PALM2AKAP2: variants seen among roughly 807,000 people sequenced by gnomAD.
PALM2AKAP2 encodes the protein PALM2 and AKAP2 fusion.
PALM2AKAP2 carries 37 observed loss-of-function variants against 71.5 expected under a neutral mutation model. That is an observed-to-expected ratio of 0.52 (90% confidence interval 0.40 to 0.68). The LOEUF is 0.68. Ranked by LOEUF, PALM2AKAP2 falls within the 30% of genes least tolerant of loss-of-function variation. The probability of loss-of-function intolerance (pLI) is 0.00; values close to 1 mark genes in which losing one functional copy is unlikely to be tolerated. For synonymous variants in PALM2AKAP2, 468 were observed against 478.8 expected, an observed-to-expected ratio of 0.98 and a Z score of 0.29; for missense variants, 1,224 against 1,191.8, an observed-to-expected ratio of 1.03 and a Z score of -0.40.
chr9:109,872,357 A>G (rs911129922), intron 2 of PALM2AKAP2, among the ~76,000 whole-genome samples: 1 of 152,088 alleles, frequency 6.6e-6, no homozygotes, highest in African/African-American at 2.4e-5. Context: ...CCTTGGTTGA[A>G]TTGCCAGAGA....
At chr9:109,905,770 AG>A (rs1442145135) in intron 3 of PALM2AKAP2, among the ~76,000 whole-genome samples, 1 of 152,162 alleles carries the variant, frequency 6.6e-6, no homozygotes, top group Non-Finnish European at 1.5e-5. Context: ...ATCTTAAATT[AG>A]GGCCTCAAGC....
chr9:109,913,225 A>G (rs767407448), intron 3 of PALM2AKAP2, among the ~76,000 whole-genome samples: 1 of 152,178 alleles, frequency 6.6e-6, no homozygotes, highest in Non-Finnish European at 1.5e-5. Flanking sequence ...GGTGAGCTCT[A>G]TGTTGTTAAG....
intron 6 of PALM2AKAP2, among the ~76,000 whole-genome samples, chr9:109,940,005 A>G (rs1241562413): frequency 6.6e-6 from 1 of 152,260 alleles, no homozygotes; most frequent in Non-Finnish European, 1.5e-5. Flanking sequence ...TATTTTTTCA[A>G]ACAAGTTCAA....
chr9:110,136,340 A>G (rs1299668171), exon 2 of PALM2AKAP2: 1 of 1,614,134 alleles, frequency 6.2e-7, no homozygotes, highest in Non-Finnish European at 8.5e-7. Context: ...ACCCCCGCAT[A>G]ATGGCCTCCT....
At chr9:109,683,805 A>C (rs987868952) in intron 1 of PALM2AKAP2, among the ~76,000 whole-genome samples, 2 of 152,106 alleles carry the variant, frequency 1.3e-5, no homozygotes, top group African/African-American at 4.8e-5. Context: ...CAGGTTTTTC[A>C]ACTATAAAAT....
Position 109,923,002 on chromosome 9 carries a change from C to T in PALM2AKAP2, c.258-733C>T, listed in dbSNP as rs149439813. The stretch of plus-strand genomic sequence containing the variant: ...CAGTTCCTGGCACAGAATAAGTGCT[C>T]AGTAAATACTGGTGGTAATTATTAT... On this transcript the variant is annotated intron_variant, in intron 3 of 9. Coordinates refer to the PALM2AKAP2 transcript ENST00000302798. Among the ~76,000 whole-genome samples the T allele has an allele frequency of 7.2e-3, 1,104 of 152,284 alleles. 12 individuals are homozygous for T. Among genetic ancestry groups the T allele is most frequent in the African/African-American group, 0.025 (1,025 of 41,550 alleles).
chr9:109,881,514 C>T (rs1564193732), intron 3 of PALM2AKAP2, among the ~76,000 whole-genome samples: 1 of 152,110 alleles, frequency 6.6e-6, no homozygotes, highest in African/African-American at 2.4e-5. Flanking sequence ...AGTGAGAGCA[C>T]CTCTGTAGGT....
intron 1 of PALM2AKAP2, among the ~76,000 whole-genome samples, chr9:109,837,211 G>A (rs1253906090): frequency 6.6e-6 from 1 of 152,224 alleles, no homozygotes; most frequent in African/African-American, 2.4e-5. Context: ...AGAAGAGAGT[G>A]GGGGCCAATA....
At chr9:110,054,849 C>T (rs749182997) in intron 1 of PALM2AKAP2, among the ~76,000 whole-genome samples, 1 of 152,226 alleles carries the variant, frequency 6.6e-6, no homozygotes, top group Non-Finnish European at 1.5e-5. Context: ...TCCACAATTA[C>T]ATTCCCAAAG....
intron 1 of PALM2AKAP2, among the ~76,000 whole-genome samples, chr9:109,686,852 G>A (rs552038832): frequency 8.3e-4 from 95 of 114,466 alleles, no homozygotes; most frequent in Non-Finnish European, 1.2e-3. Flanking sequence ...AACAGGCCCC[G>A]GTGTGTGATG....
upstream of PALM2AKAP2, among the ~76,000 whole-genome samples, chr9:109,776,355 T>G (rs1379552332): frequency 6.6e-6 from 1 of 152,206 alleles, no homozygotes; most frequent in African/African-American, 2.4e-5. Flanking sequence ...CACCTAGGGT[T>G]CTTGGTCCCA....
At chr9:109,830,669 C>T (rs1265103700) in intron 1 of PALM2AKAP2, among the ~76,000 whole-genome samples, 1 of 152,166 alleles carries the variant, frequency 6.6e-6, no homozygotes, top group Non-Finnish European at 1.5e-5. Context: ...CTTGGGATAA[C>T]AGAATGAATG....
intron 1 of PALM2AKAP2, among the ~76,000 whole-genome samples, chr9:109,783,111 G>A (rs1264648762): frequency 6.6e-6 from 1 of 152,058 alleles, no homozygotes; most frequent in Non-Finnish European, 1.5e-5. Context: ...GCAGTCTTTA[G>A]TCTGGGTCTC....
intron 1 of PALM2AKAP2, chr9:110,128,082 C>G (rs1835654704): frequency 6.6e-6 from 1 of 152,254 alleles, no homozygotes. Context: ...GGGAGTTAGC[C>G]TCCCCCAGAC....
At chr9:109,990,579 T>C (rs1370859099) in intron 6 of PALM2AKAP2, among the ~76,000 whole-genome samples, 1 of 152,210 alleles carries the variant, frequency 6.6e-6, no homozygotes, top group African/African-American at 2.4e-5. Flanking sequence ...GCTCCTCAGA[T>C]TCTTAGTCCT....
intron 1 of PALM2AKAP2, among the ~76,000 whole-genome samples, chr9:109,824,723 T>A (rs1828098155): frequency 6.6e-6 from 1 of 152,240 alleles, no homozygotes; most frequent in African/African-American, 2.4e-5. Flanking sequence ...GATGTATGTA[T>A]GTTTGTGAGC....
chr9:110,027,333 C>G (rs1467418250), intron 7 of PALM2AKAP2, among the ~76,000 whole-genome samples: 1 of 152,128 alleles, frequency 6.6e-6, no homozygotes, highest in African/African-American at 2.4e-5. Flanking sequence ...AGAAGTATCT[C>G]TAGGATAAAA....
chr9:109,945,289 A>G (rs1253608179), intron 6 of PALM2AKAP2: 1 of 124,764 alleles, frequency 8.0e-6, no homozygotes, highest in African/African-American at 2.5e-5. Context: ...AACGTTAAAG[A>G]AGAGAAAAAT....
intron 1 of PALM2AKAP2, among the ~76,000 whole-genome samples, chr9:109,754,542 C>A (rs1828930255): frequency 6.6e-6 from 1 of 152,138 alleles, no homozygotes. Context: ...CTTCCTCCTT[C>A]CCATCTGTCT....
Sources: gnomAD v4.1 joint callset for allele counts (sites outside exome capture counted in the v4.1 genomes callset) on GRCh38, gnomAD v4.1.1 for gene constraint, MANE v1.5 for transcripts, NCBI Gene and HGNC (gene_info 2026-07-23, HGNC 2026-07-21) for gene names.